Variants in CLMP observed in about 807,000 individuals in gnomAD.
CLMP encodes CXADR like cell adhesion molecule, also known as CXADR-like membrane protein.
Under a neutral mutation model 45.2 loss-of-function variants are expected in CLMP, and 27 were observed. The observed-to-expected ratio is 0.60, with a 90% CI of 0.44 to 0.82. CLMP has a LOEUF of 0.82. Ranked by LOEUF, CLMP falls within the 40% of genes least tolerant of loss-of-function variation. CLMP has a pLI of 0.00. For synonymous variants in CLMP, 167 were observed against 171.4 expected (o/e 0.97, Z 0.20); for missense variants, 403 against 448.4 (o/e 0.90, Z 0.91).
intron 1 of CLMP, among the ~76,000 whole-genome samples, chr11:123,116,046 C>G (rs1212933207): frequency 6.6e-6 from 1 of 152,006 alleles, no homozygotes; most frequent in Non-Finnish European, 1.5e-5. Flanking sequence ...ACCATATGGA[C>G]CTCTCCACAG....
At chr11:123,186,348 T>C (rs1316676929) in intron 1 of CLMP, among the ~76,000 whole-genome samples, 3 of 152,072 alleles carry the variant, frequency 2.0e-5, no homozygotes, top group Non-Finnish European at 4.4e-5. Context: ...TGGGGCAGCC[T>C]AAGTTGGCAC....
intron 1 of CLMP, among the ~76,000 whole-genome samples, chr11:123,187,401 C>T (rs760731197): frequency 5.3e-5 from 8 of 152,186 alleles, no homozygotes; most frequent in Admixed American, 1.3e-4. Context: ...TAAGTCTGAA[C>T]GATCCCCACA....
In CLMP at chr11:123,135,127, G is replaced by C. The variant is rs1861052396; in HGVS notation, c.29-37175C>G. On this transcript the variant is annotated intron_variant, in intron 1 of 6. Coordinates refer to ENST00000448775, the MANE Select transcript of CLMP (RefSeq NM_024769.5). ...ATACAAAAATTAGCCAGACATGGTG[G>C]CAGGCGCCTGTAATCCCAGTTACTT... 2.0e-5 allele frequency among the ~76,000 whole-genome samples: 3 copies of C among 151,946 alleles called. No individual in the cohort carries two copies. The South Asian group carries it at 6.2e-4, about 32-fold the overall frequency.
chr11:123,164,511 T>C (rs777709653), intron 1 of CLMP, among the ~76,000 whole-genome samples: 27 of 151,968 alleles, frequency 1.8e-4, no homozygotes, highest in Non-Finnish European at 2.9e-4. Context: ...GTCATGTTGG[T>C]CAGGCTGGTC....
At chr11:123,102,777 G>C (rs1374722226) in intron 1 of CLMP, among the ~76,000 whole-genome samples, 3 of 135,120 alleles carry the variant, frequency 2.2e-5, no homozygotes, top group African/African-American at 8.6e-5. Flanking sequence ...GGCTGGTCTC[G>C]AACTCTTGGC....
intron 1 of CLMP, among the ~76,000 whole-genome samples, chr11:123,101,247 T>G (rs1332646178): frequency 6.6e-6 from 1 of 152,176 alleles, no homozygotes; most frequent in Non-Finnish European, 1.5e-5. Context: ...TAGCTGGGAT[T>G]ATAGGCGTGT....
chr11:123,186,317 C>T (rs1486405830), intron 1 of CLMP, among the ~76,000 whole-genome samples: 1 of 152,132 alleles, frequency 6.6e-6, no homozygotes, highest in Non-Finnish European at 1.5e-5. Flanking sequence ...AGAAACGAAC[C>T]AACCAGTTAT....
chr11:123,120,844 G>A (rs183823860), intron 1 of CLMP, among the ~76,000 whole-genome samples: 2 of 151,924 alleles, frequency 1.3e-5, no homozygotes, highest in African/African-American at 4.8e-5. Context: ...AAGCTGTTTG[G>A]GGCCGGGCGC....
chr11:123,179,505 A>T (rs939354509), intron 1 of CLMP, among the ~76,000 whole-genome samples: 4 of 152,172 alleles, frequency 2.6e-5, no homozygotes, highest in African/African-American at 4.8e-5. Flanking sequence ...GAGCCGCTAG[A>T]GGGGTCTTGT....
intron 5 of CLMP, among the ~76,000 whole-genome samples, chr11:123,080,326 C>CTT (rs35892566): frequency 9.9e-4 from 135 of 136,222 alleles, no homozygotes; most frequent in Middle Eastern, 3.8e-3. Context: ...TGAAGGTGTA[C>CTT]TTTTTTTTTT....
At chr11:123,177,650 T>A (rs1861716212) in intron 1 of CLMP, among the ~76,000 whole-genome samples, 1 of 152,158 alleles carries the variant, frequency 6.6e-6, no homozygotes, top group African/African-American at 2.4e-5. Context: ...CAGTCTGGAC[T>A]ATAGCTGAGA....
intron 1 of CLMP, among the ~76,000 whole-genome samples, chr11:123,128,071 A>C (rs1226331578): frequency 6.6e-6 from 1 of 151,812 alleles, no homozygotes; most frequent in Non-Finnish European, 1.5e-5. Context: ...CATCAGACCA[A>C]GTAGGTTTTA....
intron 1 of CLMP, among the ~76,000 whole-genome samples, chr11:123,105,048 C>T (rs1319950479): frequency 6.6e-6 from 1 of 152,242 alleles, no homozygotes; most frequent in East Asian, 1.9e-4. Flanking sequence ...AGGGAAGCCG[C>T]AAGCTCTCCC....
At chr11:123,114,020 T>C (rs1860683270) in intron 1 of CLMP, among the ~76,000 whole-genome samples, 1 of 152,196 alleles carries the variant, frequency 6.6e-6, no homozygotes, top group Admixed American at 6.5e-5. Context: ...CCAGATCTCA[T>C]GCTAACCTAT....
chr11:123,116,574 T>C (rs1305423922), intron 1 of CLMP, among the ~76,000 whole-genome samples: 1 of 151,830 alleles, frequency 6.6e-6, no homozygotes, highest in East Asian at 1.9e-4. Context: ...ATCTCAAAAA[T>C]AAATAAATAA....
chr11:123,092,339 C>T (rs1161681566), intron 2 of CLMP, among the ~76,000 whole-genome samples: 1 of 152,068 alleles, frequency 6.6e-6, no homozygotes, highest in East Asian at 1.9e-4. Flanking sequence ...GCTCTGTCGC[C>T]CAGGTTGGAG....
At chr11:123,096,951 C>T (rs183907942) in intron 2 of CLMP, among the ~76,000 whole-genome samples, 30 of 151,996 alleles carry the variant, frequency 2.0e-4, no homozygotes, top group African/African-American at 2.2e-4. Flanking sequence ...TGCACTCAAG[C>T]GATCCTCCTG....
chr11:123,170,774 A>G (rs1203055981), intron 1 of CLMP, among the ~76,000 whole-genome samples: 1 of 152,166 alleles, frequency 6.6e-6, no homozygotes, highest in Non-Finnish European at 1.5e-5. Flanking sequence ...GTGAGGCATG[A>G]AGATCAGCTC....
chr11:123,097,147 C>T (rs932319571), intron 2 of CLMP, among the ~76,000 whole-genome samples: 2 of 151,810 alleles, frequency 1.3e-5, no homozygotes, highest in Non-Finnish European at 2.9e-5. Flanking sequence ...TCACTGCACC[C>T]GGCCTGACAA....
Sources: allele counts gnomAD v4.1 joint callset (sites outside exome capture counted in the v4.1 genomes callset), GRCh38; gene constraint gnomAD v4.1.1; transcripts MANE v1.5; gene names NCBI Gene and HGNC (gene_info 2026-07-23, HGNC 2026-07-21).